FBXW7: variants seen among roughly 807,000 people sequenced by gnomAD.
FBXW7 encodes the protein F-box and WD repeat domain containing 7.
In FBXW7, 11 loss-of-function variants were observed where a neutral mutation model predicts 86.3. That is an observed-to-expected ratio of 0.13 (90% CI 0.08 to 0.21). The LOEUF (loss-of-function observed/expected upper bound fraction) is 0.21. Ranked by LOEUF, FBXW7 falls within the 10% of genes least tolerant of loss-of-function variation. The pLI is 1.00. For synonymous variants in FBXW7, 313 were observed against 297.9 expected, an observed-to-expected ratio of 1.05 and a Z score of -0.52; for missense variants, 488 against 847.4, an observed-to-expected ratio of 0.58 and a Z score of 5.27.
intron 2 of FBXW7, among the ~76,000 whole-genome samples, chr4:152,434,667 G>A (rs1740214237): frequency 1.3e-5 from 2 of 152,154 alleles, no homozygotes; most frequent in South Asian, 4.1e-4. Flanking sequence ...ATATACAGAA[G>A]GGAGAGGGAA....
At chr4:152,420,410 T>C (rs1014996943) in intron 2 of FBXW7, among the ~76,000 whole-genome samples, 2 of 152,162 alleles carry the variant, frequency 1.3e-5, no homozygotes, top group Non-Finnish European at 2.9e-5. Context: ...TTCCCAACTC[T>C]TATTAATGCT....
intron 4 of FBXW7, chr4:152,352,394 T>C: frequency 3.2e-6 from 5 of 1,583,096 alleles, no homozygotes; most frequent in Non-Finnish European, 4.3e-6. Context: ...CAGCCATCTC[T>C]GATGATACAG....
intron 2 of FBXW7, among the ~76,000 whole-genome samples, chr4:152,509,101 T>G (rs1023580480): frequency 3.3e-5 from 5 of 152,190 alleles, no homozygotes. Context: ...CTGGAATTGT[T>G]TCAGGTTAAA....
intron 2 of FBXW7, among the ~76,000 whole-genome samples, chr4:152,469,715 TTAA>T (rs1405345124): frequency 2.6e-5 from 4 of 152,078 alleles, no homozygotes; most frequent in Non-Finnish European, 5.9e-5. Context: ...CCTTGAACTC[TTAA>T]TAATAAGGCT....
intron 2 of FBXW7, among the ~76,000 whole-genome samples, chr4:152,524,306 T>C (rs575330993): frequency 7.9e-5 from 12 of 152,226 alleles, no homozygotes; most frequent in South Asian, 6.2e-4. Flanking sequence ...ATGTCACATA[T>C]AGAATTATAA....
At chr4:152,496,667 GAAAAAGA>G (rs1030937731) in intron 2 of FBXW7, among the ~76,000 whole-genome samples, 36 of 151,300 alleles carry the variant, frequency 2.4e-4, no homozygotes, top group Middle Eastern at 3.4e-3. Flanking sequence ...AAAAAAAAAA[GAAAAAGA>G]AAAAAGAAAA....
Position 152,376,813 on chromosome 4 carries a change from A to C in FBXW7, c.502-26689T>G, listed in dbSNP as rs551061891. On this transcript the variant is annotated intron_variant, in intron 4 of 13. Transcript: ENST00000281708. ...CCTGTTCTCAGTTGCCTGACCCCAG[A>C]CCCTGAAGTATCATCCCTCAGTTTA... 3.3e-5 allele frequency among the ~76,000 whole-genome samples: 5 copies of C among 152,168 alleles called. No individual in the cohort carries two copies. The East Asian group carries it at 9.6e-4, about 29-fold the overall frequency.
At position 152,322,767 on chromosome 4, in the gene FBXW7, G is replaced by C; in HGVS notation, c.*114C>G. 6.7e-7 allele frequency: 1 copy of C among 1,497,392 alleles called. No homozygotes were observed. The allele number at this position is 1,497,392 out of a possible 1,614,324, so 92.8% of individuals were successfully genotyped here. ...ATCTGTTGCCCCAAGCCAACATCCTGCACCACTGAGAACAAGGGATTTTTT... is the reference window on the plus strand; with the variant it reads ...ATCTGTTGCCCCAAGCCAACATCCTCCACCACTGAGAACAAGGGATTTTTT... On this transcript the variant is annotated 3_prime_UTR_variant, in exon 14 of 14. Coordinates refer to ENST00000281708, the MANE Select transcript of FBXW7 (RefSeq NM_001349798.2).
chr4:152,360,648 C>T (rs1167329774), intron 4 of FBXW7, among the ~76,000 whole-genome samples: 2 of 151,964 alleles, frequency 1.3e-5, no homozygotes, highest in Non-Finnish European at 2.9e-5. Flanking sequence ...ATTTTGAAGT[C>T]TCAGAAACCG....
At chr4:152,339,080 CTTCT>C (rs1730455190) in intron 6 of FBXW7, among the ~76,000 whole-genome samples, 2 of 152,132 alleles carry the variant, frequency 1.3e-5, no homozygotes, top group Admixed American at 6.6e-5. Flanking sequence ...AACTTCTTCT[CTTCT>C]TTCTTATCAT....
At chr4:152,475,495 C>T (rs1257606574) in intron 2 of FBXW7, among the ~76,000 whole-genome samples, 1 of 152,092 alleles carries the variant, frequency 6.6e-6, no homozygotes, top group Non-Finnish European at 1.5e-5. Context: ...TTTTTACCAC[C>T]TCTATTCAGC....
intron 2 of FBXW7, among the ~76,000 whole-genome samples, chr4:152,448,018 T>C (rs1741566753): frequency 1.3e-5 from 2 of 152,232 alleles, no homozygotes; most frequent in Non-Finnish European, 2.9e-5. Context: ...ATCTCTAAAA[T>C]TTCATGAAGG....
chr4:152,421,468 T>TGGGAGGACTGCTTGAGGTC (rs1179843905), intron 2 of FBXW7, among the ~76,000 whole-genome samples: 1 of 151,990 alleles, frequency 6.6e-6, no homozygotes, highest in Non-Finnish European at 1.5e-5. Context: ...GAAGCCGAGG[T>TGGGAGGACTGCTTGAGGTC]GGGAGGACTG....
intron 2 of FBXW7, among the ~76,000 whole-genome samples, chr4:152,497,345 A>AAC (rs1282926498): frequency 3.8e-4 from 44 of 115,452 alleles, no homozygotes; most frequent in African/African-American, 1.3e-3. Flanking sequence ...AAAAAAAACC[A>AAC]CACACACACA....
intron 2 of FBXW7, among the ~76,000 whole-genome samples, chr4:152,433,080 T>C (rs927093786): frequency 6.6e-6 from 1 of 152,236 alleles, no homozygotes; most frequent in Non-Finnish European, 1.5e-5. Flanking sequence ...TTTCTGTCCC[T>C]GTGTACTTTC....
At chr4:152,472,174 C>A (rs1227469238) in intron 2 of FBXW7, among the ~76,000 whole-genome samples, 1 of 152,124 alleles carries the variant, frequency 6.6e-6, no homozygotes. Context: ...TAGCAACTGA[C>A]ATTCTAAAAT....
At chr4:152,506,876 A>G (rs539235095) in intron 2 of FBXW7, among the ~76,000 whole-genome samples, 12 of 152,344 alleles carry the variant, frequency 7.9e-5, no homozygotes, top group African/African-American at 2.2e-4. Context: ...ACCACTGATA[A>G]AGACAACTTA....
intron 5 of FBXW7, among the ~76,000 whole-genome samples, chr4:152,347,918 T>C (rs958314964): frequency 6.6e-6 from 1 of 152,062 alleles, no homozygotes; most frequent in Non-Finnish European, 1.5e-5. Context: ...AATTTCTGCA[T>C]GTAATTAAAC....
chr4:152,457,937 T>TAA (rs773032798), intron 2 of FBXW7, among the ~76,000 whole-genome samples: 27 of 142,292 alleles, frequency 1.9e-4, no homozygotes, highest in African/African-American at 5.9e-4. Flanking sequence ...CCACCCCTAC[T>TAA]AAAAAAAAAA....
Sources: gnomAD v4.1 joint callset for allele counts (sites outside exome capture counted in the v4.1 genomes callset) on GRCh38, gnomAD v4.1.1 for gene constraint, MANE v1.5 for transcripts, NCBI Gene and HGNC (gene_info 2026-07-23, HGNC 2026-07-21) for gene names.